SV2C: variants seen among roughly 807,000 people sequenced by gnomAD.
The protein encoded by SV2C is solute carrier family 22 member B3.
A neutral mutation model predicts 79.7 loss-of-function variants in SV2C; 49 were observed. That is an observed-to-expected ratio of 0.61 (90% CI 0.49 to 0.78). The LOEUF (loss-of-function observed/expected upper bound fraction) is 0.78, where lower values mean the gene tolerates loss of function less well. Ranked by LOEUF, SV2C falls within the 30% of genes least tolerant of loss-of-function variation. SV2C has a pLI of 0.00. For missense variants in SV2C, 833 were observed against 912.9 expected, an observed-to-expected ratio of 0.91 and a Z score of 1.13; for synonymous variants, 334 against 333.2, an observed-to-expected ratio of 1.00 and a Z score of -0.03.
At chr5:75,872,454 T>C in the SV2C span, among the ~76,000 whole-genome samples, 2,268 of 152,136 alleles carry the variant, frequency 0.015, 72 homozygotes, top group African/African-American at 0.053. Flanking sequence ...AGAAACAACA[T>C]AGCGGTGAAA....
the SV2C span, among the ~76,000 whole-genome samples, chr5:76,069,719 GT>G: frequency 6.6e-6 from 1 of 151,990 alleles, no homozygotes; most frequent in Non-Finnish European, 1.5e-5. Flanking sequence ...CCCAAACCTG[GT>G]TCTTCATTTC....
At chr5:75,882,169 G>C in the SV2C span, among the ~76,000 whole-genome samples, 22 of 150,654 alleles carry the variant, frequency 1.5e-4, no homozygotes, top group Admixed American at 9.9e-4. Flanking sequence ...TGGTGGATAA[G>C]CTTTTTGATG....
chr5:75,852,507 T>G, the SV2C span, among the ~76,000 whole-genome samples: 1 of 152,070 alleles, frequency 6.6e-6, no homozygotes, highest in African/African-American at 2.4e-5. Flanking sequence ...ATGACATATT[T>G]AAAACACTAC....
intron 2 of SV2C, among the ~76,000 whole-genome samples, chr5:76,137,557 A>G (rs538886914): frequency 1.3e-5 from 2 of 152,298 alleles, no homozygotes; most frequent in African/African-American, 4.8e-5. Flanking sequence ...CAGAGAACAC[A>G]GCTAAACAGG....
chr5:75,947,443 A>G, the SV2C span, among the ~76,000 whole-genome samples: 1 of 151,680 alleles, frequency 6.6e-6, no homozygotes, highest in Non-Finnish European at 1.5e-5. Context: ...ATCCCTTTCT[A>G]TACTGGGAAG....
the SV2C span, among the ~76,000 whole-genome samples, chr5:76,030,266 G>GGTTTTTTTTTTTTTTTTTTTTT: frequency 5.9e-4 from 19 of 31,970 alleles, 1 homozygote; most frequent in African/African-American, 2.5e-3. Flanking sequence ...TCAGAGGCTT[G>GGTTTTTTTTTTTTTTTTTTTTT]TTTTTTTTTT....
intron 9 of SV2C, among the ~76,000 whole-genome samples, chr5:76,296,433 G>A (rs1747766850): frequency 6.6e-6 from 1 of 152,164 alleles, no homozygotes; most frequent in African/African-American, 2.4e-5. Context: ...GTTTCAATTA[G>A]AGAACAGGAA....
At chr5:76,138,410 T>C (rs958170703) in intron 2 of SV2C, among the ~76,000 whole-genome samples, 3 of 152,176 alleles carry the variant, frequency 2.0e-5, no homozygotes, top group Non-Finnish European at 4.4e-5. Flanking sequence ...AGAAAGATGA[T>C]CTGGAAATTC....
At chr5:76,203,980 A>C (rs952742221) in intron 3 of SV2C, among the ~76,000 whole-genome samples, 1 of 152,202 alleles carries the variant, frequency 6.6e-6, no homozygotes, top group Admixed American at 6.5e-5. Flanking sequence ...GATAGCAAAC[A>C]TGTGCCTTCT....
In SV2C at chr5:76,083,437, A is replaced by G. The variant is rs1327492714; in HGVS notation, c.-177A>G. 3.3e-5 allele frequency: 5 copies of G among 152,314 alleles called. No individual in the cohort carries two copies. Among genetic ancestry groups the G allele is most frequent in the Admixed American group, 6.5e-5 (1 of 15,284 alleles). The allele number at this position is 152,314 out of a possible 1,614,324, so 9.4% of individuals were successfully genotyped here. On this transcript the variant is annotated 5_prime_UTR_variant, in exon 1 of 13. Coordinates refer to ENST00000502798, the MANE Select transcript of SV2C (RefSeq NM_014979.4). ...CAGACGGAGGCAGCCCGGGGAAGCGAGCCGGAGCGGCGCCCGCACTGAGGC... is the reference window on the plus strand; with the variant it reads ...CAGACGGAGGCAGCCCGGGGAAGCGGGCCGGAGCGGCGCCCGCACTGAGGC...
the SV2C span, among the ~76,000 whole-genome samples, chr5:75,923,958 G>A: frequency 1.3e-5 from 2 of 152,216 alleles, no homozygotes; most frequent in Non-Finnish European, 2.9e-5. Flanking sequence ...ACATGCGCAT[G>A]CATGTTTATA....
At chr5:76,032,369 G>A in the SV2C span, among the ~76,000 whole-genome samples, 43 of 152,240 alleles carry the variant, frequency 2.8e-4, no homozygotes, top group African/African-American at 6.5e-4. Context: ...CTAGCATTAG[G>A]TATATCTCCC....
chr5:75,857,720 G>T, the SV2C span, among the ~76,000 whole-genome samples: 5 of 152,266 alleles, frequency 3.3e-5, no homozygotes, highest in African/African-American at 9.6e-5. Flanking sequence ...TAACAATATT[G>T]ATTCTTCTAA....
chr5:76,054,793 T>C, the SV2C span, among the ~76,000 whole-genome samples: 2 of 152,228 alleles, frequency 1.3e-5, no homozygotes, highest in Non-Finnish European at 2.9e-5. Flanking sequence ...AAATGTCTTC[T>C]TTTGACAAGT....
At chr5:76,208,972 G>T (rs1026975100) in intron 3 of SV2C, among the ~76,000 whole-genome samples, 2 of 152,132 alleles carry the variant, frequency 1.3e-5, no homozygotes, top group Non-Finnish European at 2.9e-5. Flanking sequence ...CCTCATTTGA[G>T]CACCCTTACC....
intron 12 of SV2C, among the ~76,000 whole-genome samples, chr5:76,310,736 C>T (rs1483505028): frequency 6.6e-6 from 1 of 152,078 alleles, no homozygotes; most frequent in Non-Finnish European, 1.5e-5. Context: ...AAACAAAGGC[C>T]TCCATAGAAA....
chr5:76,348,239 T>G (rs1006138687), intron 12 of SV2C, among the ~76,000 whole-genome samples: 1 of 152,204 alleles, frequency 6.6e-6, no homozygotes. Context: ...CCATGCATAT[T>G]ACTCCATGTA....
chr5:76,012,558 A>G, the SV2C span, among the ~76,000 whole-genome samples: 5 of 152,010 alleles, frequency 3.3e-5, no homozygotes, highest in Non-Finnish European at 5.9e-5. Context: ...TGTAGGTTGT[A>G]TGTTCACTCT....
chr5:76,286,002 A>G (rs1580024903), intron 6 of SV2C, 132 bp downstream of exon 6: 2 of 699,002 alleles, frequency 2.9e-6, no homozygotes, highest in East Asian at 5.7e-5. Context: ...CTGCCATTGT[A>G]GTGCAAAAGC....
Sources: allele counts gnomAD v4.1 joint callset (sites outside exome capture counted in the v4.1 genomes callset), GRCh38; gene constraint gnomAD v4.1.1; transcripts MANE v1.5; gene names NCBI Gene and HGNC (gene_info 2026-07-23, HGNC 2026-07-21).